The following ZFPM2 variants were observed in gnomAD, a reference collection of about 807,000 sequenced individuals.
ZFPM2 encodes the protein zinc finger protein ZFPM2.
A neutral mutation model predicts 98.6 loss-of-function variants in ZFPM2; 20 were observed. That is an observed-to-expected ratio of 0.20 (90% CI 0.14 to 0.29). The LOEUF is 0.29. Among genes scored for constraint, ZFPM2 ranks in the 10% least tolerant of loss-of-function variants. The pLI, the probability that ZFPM2 is intolerant of heterozygous loss-of-function variation, is 1.00. For synonymous variants in ZFPM2, 518 were observed against 502.7 expected (o/e 1.03, Z -0.41); for missense variants, 1,310 against 1,388.6 (o/e 0.94, Z 0.90).
chr8:105,438,078 A>G (rs1455206428), intron 2 of ZFPM2, among the ~76,000 whole-genome samples: 2 of 152,106 alleles, frequency 1.3e-5, no homozygotes, highest in African/African-American at 4.8e-5. Flanking sequence ...AAAAATAAAA[A>G]GTTGTTTCTA....
intron 6 of ZFPM2, among the ~76,000 whole-genome samples, chr8:105,793,773 CTTTG>C (rs1211997241): frequency 1.3e-5 from 2 of 151,380 alleles, no homozygotes; most frequent in Non-Finnish European, 2.9e-5. Context: ...TTCTTGGAGG[CTTTG>C]TTTGTTTCTT....
chr8:105,357,684 T>C (rs902536625), intron 1 of ZFPM2, among the ~76,000 whole-genome samples: 15 of 152,186 alleles, frequency 9.9e-5, no homozygotes, highest in African/African-American at 3.4e-4. Flanking sequence ...AAAAAACAAT[T>C]ACCAGTAACC....
At chr8:105,405,646 A>G (rs1465138031) in intron 1 of ZFPM2, among the ~76,000 whole-genome samples, 4 of 151,878 alleles carry the variant, frequency 2.6e-5, no homozygotes, top group African/African-American at 9.7e-5. Context: ...TCCATGGTGT[A>G]TATGTGCCAC....
intron 4 of ZFPM2, among the ~76,000 whole-genome samples, chr8:105,564,741 A>T (rs377499026): frequency 6.6e-6 from 1 of 152,154 alleles, no homozygotes; most frequent in Non-Finnish European, 1.5e-5. Context: ...ATTTCTTAAC[A>T]TGAATCATAA....
At chr8:105,776,034 T>C (rs1813097208) in intron 5 of ZFPM2, among the ~76,000 whole-genome samples, 1 of 151,360 alleles carries the variant, frequency 6.6e-6, no homozygotes, top group Non-Finnish European at 1.5e-5. Flanking sequence ...AGAGGCATCA[T>C]GAGCTTCTTA....
intron 3 of ZFPM2, among the ~76,000 whole-genome samples, chr8:105,519,058 T>C (rs1450015064): frequency 6.6e-6 from 1 of 152,216 alleles, no homozygotes; most frequent in Non-Finnish European, 1.5e-5. Flanking sequence ...ATAGCAAATA[T>C]GAATAAATCA....
At chr8:105,411,016 A>G (rs1280576468) in intron 1 of ZFPM2, among the ~76,000 whole-genome samples, 1 of 151,876 alleles carries the variant, frequency 6.6e-6, no homozygotes, top group Non-Finnish European at 1.5e-5. Context: ...TGGATTTCAC[A>G]CTGTTTAGTG....
intron 5 of ZFPM2, among the ~76,000 whole-genome samples, chr8:105,757,790 G>A (rs1485827941): frequency 6.6e-6 from 1 of 152,012 alleles, no homozygotes; most frequent in Non-Finnish European, 1.5e-5. Flanking sequence ...CTCGTTCTGG[G>A]CTTCTGGTGT....
chr8:105,788,990 C>A, intron 6 of ZFPM2, 66 bp downstream of exon 6: 1 of 1,359,340 alleles, frequency 7.4e-7, no homozygotes, highest in Non-Finnish European at 1.0e-6. Context: ...AAAAAAATGT[C>A]TACTGACAAG....
intron 1 of ZFPM2, among the ~76,000 whole-genome samples, chr8:105,331,637 A>G (rs931988880): frequency 1.3e-5 from 2 of 151,866 alleles, no homozygotes. Context: ...GTTAGGGTCT[A>G]TAGGCTTTGA....
intron 3 of ZFPM2, among the ~76,000 whole-genome samples, chr8:105,555,929 G>A (rs1814979031): frequency 6.6e-6 from 1 of 152,114 alleles, no homozygotes; most frequent in African/African-American, 2.4e-5. Context: ...GGAGAAGAAG[G>A]CTTTTTTGAC....
At chr8:105,419,978 T>G (rs1005949297) in intron 2 of ZFPM2, among the ~76,000 whole-genome samples, 3 of 152,086 alleles carry the variant, frequency 2.0e-5, no homozygotes, top group African/African-American at 2.4e-5. Flanking sequence ...TAAGTCAGTT[T>G]AAGGTTCCTC....
intron 6 of ZFPM2, among the ~76,000 whole-genome samples, chr8:105,792,639 T>G (rs1813654338): frequency 6.6e-6 from 1 of 152,182 alleles, no homozygotes; most frequent in Non-Finnish European, 1.5e-5. Context: ...CTGGGTATCC[T>G]TGTTGACTTT....
rs371445709 is a variant in ZFPM2 at position 105,386,385 on chromosome 8, T to C, written c.41-32759T>C. On this transcript the variant is annotated intron_variant, in intron 1 of 7. Transcript: ENST00000407775. The stretch of plus-strand genomic sequence containing the variant: ...TCATGAGCACTGGCCACACTAGTAA[T>C]CCTGTGTCCGGAATTCGTGGGTTCT... Among the ~76,000 whole-genome samples, 105 of 152,300 alleles carry C rather than the reference T, an allele frequency of 6.9e-4. 1 individual carries two copies. The South Asian group carries it at 0.021, about 30-fold the overall frequency.
intron 5 of ZFPM2, among the ~76,000 whole-genome samples, chr8:105,709,467 G>C (rs1811330885): frequency 6.6e-6 from 1 of 152,080 alleles, no homozygotes; most frequent in African/African-American, 2.4e-5. Context: ...CTAAGATTAA[G>C]AGGTTCGTTC....
chr8:105,489,461 TATA>T (rs1813311404), intron 3 of ZFPM2, among the ~76,000 whole-genome samples: 2 of 69,852 alleles, frequency 2.9e-5, no homozygotes, highest in African/African-American at 1.3e-4. Context: ...TATATATATA[TATA>T]TATTTTTTTT....
chr8:105,795,438 TTTCATTAATGC>T (rs1411825410), intron 6 of ZFPM2, among the ~76,000 whole-genome samples: 1 of 151,858 alleles, frequency 6.6e-6, no homozygotes, highest in Non-Finnish European at 1.5e-5. Context: ...GGCGAGCACC[TTTCATTAATGC>T]TTCTATAGTA....
chr8:105,746,041 G>A (rs1212445762), intron 5 of ZFPM2, among the ~76,000 whole-genome samples: 1 of 151,902 alleles, frequency 6.6e-6, no homozygotes, highest in African/African-American at 2.4e-5. Flanking sequence ...CAAAGTGCTG[G>A]GATTATAGAC....
intron 4 of ZFPM2, among the ~76,000 whole-genome samples, chr8:105,589,188 G>A (rs1185013292): frequency 6.6e-6 from 1 of 152,140 alleles, no homozygotes; most frequent in African/African-American, 2.4e-5. Context: ...CAATATCGGT[G>A]TCAGAATTTT....
Sources: gnomAD v4.1 joint callset for allele counts (sites outside exome capture counted in the v4.1 genomes callset) on GRCh38, gnomAD v4.1.1 for gene constraint, MANE v1.5 for transcripts, NCBI Gene and HGNC (gene_info 2026-07-23, HGNC 2026-07-21) for gene names.